Variants in ANKRD17 observed in about 807,000 individuals in gnomAD.
The protein encoded by ANKRD17 is ankyrin repeat domain-containing protein 17.
Under a neutral mutation model 229.7 loss-of-function variants are expected in ANKRD17, and 19 were observed. The observed-to-expected ratio is 0.08, with a 90% confidence interval of 0.06 to 0.12. ANKRD17 has a LOEUF of 0.12. Ranked by LOEUF, ANKRD17 falls within the 10% of genes least tolerant of loss-of-function variation. ANKRD17 has a pLI of 1.00. For missense variants in ANKRD17, 2,176 were observed against 3,176.8 expected (o/e 0.68, Z 7.57); for synonymous variants, 1,112 against 1,146.1 (o/e 0.97, Z 0.60).
At chr4:73,233,432 T>A (rs1560769242) in intron 1 of ANKRD17, among the ~76,000 whole-genome samples, 2 of 152,230 alleles carry the variant, frequency 1.3e-5, no homozygotes, top group Non-Finnish European at 2.9e-5. Context: ...AAAGTGTACT[T>A]ACAATGTGAT....
intron 2 of ANKRD17, among the ~76,000 whole-genome samples, chr4:73,165,215 G>A (rs905904182): frequency 6.6e-6 from 1 of 152,170 alleles, no homozygotes; most frequent in African/African-American, 2.4e-5. Context: ...TCAGGTATGA[G>A]ATGTACCAGA....
intron 1 of ANKRD17, among the ~76,000 whole-genome samples, chr4:73,211,586 C>T (rs1198715481): frequency 6.6e-6 from 1 of 152,074 alleles, no homozygotes; most frequent in Non-Finnish European, 1.5e-5. Context: ...GTGGCTCATG[C>T]CTGTAATCTC....
intron 1 of ANKRD17, among the ~76,000 whole-genome samples, chr4:73,217,336 T>C (rs1741207412): frequency 1.3e-5 from 2 of 152,294 alleles, no homozygotes; most frequent in Non-Finnish European, 2.9e-5. Context: ...CATAAGTGTA[T>C]CTTATACTAC....
rs187420366 is a variant in ANKRD17 at position 73,100,883 on chromosome 4, G to A, written c.4573+1493C>T. On this transcript the variant is annotated intron_variant, in intron 25 of 33. Transcript: ENST00000358602. ...ACATTGCATGCACATATTTTTGGTGGTTTCATGGCAATGGTTCCTTCCCAC... is the reference window on the plus strand; with the variant it reads ...ACATTGCATGCACATATTTTTGGTGATTTCATGGCAATGGTTCCTTCCCAC... The A allele has an allele frequency of 1.4e-5, 14 of 985,208 alleles. No homozygotes were observed. The East Asian group carries it at 1.5e-3, about 104-fold the overall frequency. 61.0% of individuals were successfully genotyped at this position (985,208 alleles called of 1,614,324 possible). A position where few individuals can be genotyped will look rare whatever the true frequency, so the allele number is the denominator to read the frequency against.
intron 31 of ANKRD17, among the ~76,000 whole-genome samples, chr4:73,077,793 T>G (rs879913454): frequency 6.6e-6 from 1 of 152,214 alleles, no homozygotes; most frequent in Non-Finnish European, 1.5e-5. Context: ...AATATTATTA[T>G]GTCCTTAATA....
chr4:73,224,068 C>T (rs1742197065), intron 1 of ANKRD17, among the ~76,000 whole-genome samples: 1 of 152,028 alleles, frequency 6.6e-6, no homozygotes, highest in Non-Finnish European at 1.5e-5. Flanking sequence ...CCAGCCTGGC[C>T]AACATGGTGA....
chr4:73,239,941 A>C (rs1403305249), intron 1 of ANKRD17, among the ~76,000 whole-genome samples: 1 of 152,232 alleles, frequency 6.6e-6, no homozygotes, highest in Non-Finnish European at 1.5e-5. Context: ...AAATTTATCT[A>C]CATTGTATCT....
rs765462995 is a variant in ANKRD17 at position 73,098,414 on chromosome 4, AT to A, written c.4679del (p.Asn1560IlefsTer3). On this transcript the variant is annotated frameshift_variant, in exon 26 of 34. Transcript: ENST00000358602. LOFTEE classifies it high-confidence loss of function. Reference protein sequence around the residue: ...TLAGSHGKRNNTITTTSSKRK... With the variant: ...TLAGSHGKRNXTITTTSSKRK... ...TCTTTGAACTGGTTGTAGTTATGGT[AT>A]TATTTCTTTTACCATGAGAACCTGC... 1 of 1,614,088 alleles carries A rather than the reference AT, an allele frequency of 6.2e-7. No individual in the cohort carries two copies. The highest frequency in any genetic ancestry group is 1.3e-5 in the African/African-American group (1 of 75,026).
intron 29 of ANKRD17, among the ~76,000 whole-genome samples, chr4:73,086,665 G>T (rs1415091379): frequency 6.7e-6 from 1 of 150,278 alleles, no homozygotes; most frequent in Non-Finnish European, 1.5e-5. Flanking sequence ...CATAGCTCAC[G>T]GTAGCCACAA....
intron 1 of ANKRD17, 131 bp from the exon 2 acceptor site, chr4:73,177,664 C>A (rs1020465673): frequency 6.2e-6 from 4 of 648,946 alleles, no homozygotes; most frequent in African/African-American, 1.8e-5. Flanking sequence ...AAACACAGTG[C>A]AACCCTAAAA....
At chr4:73,233,606 A>C in intron 1 of ANKRD17, among the ~76,000 whole-genome samples, 1 of 151,558 alleles carries the variant, frequency 6.6e-6, no homozygotes, top group African/African-American at 2.4e-5. Context: ...ATTTCTTCCC[A>C]CTCACCCTCC....
At chr4:73,155,896 T>C (rs1578213462) in intron 4 of ANKRD17, 118 bp from the exon 5 acceptor site, 4 of 1,477,890 alleles carry the variant, frequency 2.7e-6, no homozygotes, top group Non-Finnish European at 3.6e-6. Flanking sequence ...ACACAAAATT[T>C]ATCTAACAAA....
intron 2 of ANKRD17, among the ~76,000 whole-genome samples, chr4:73,173,697 T>C (rs1402371202): frequency 1.3e-5 from 2 of 151,910 alleles, no homozygotes; most frequent in Non-Finnish European, 2.9e-5. Flanking sequence ...AATCTGAAAA[T>C]CCAGATCACA....
At chr4:73,153,775 A>T in intron 6 of ANKRD17, 105 bp downstream of exon 6, 1 of 790,952 alleles carries the variant, frequency 1.3e-6, no homozygotes, top group Non-Finnish European at 1.9e-6. Context: ...ATTACATACT[A>T]TATACTATCA....
intron 2 of ANKRD17, among the ~76,000 whole-genome samples, chr4:73,172,531 GGT>G (rs1332915678): frequency 1.3e-5 from 2 of 152,098 alleles, no homozygotes; most frequent in Non-Finnish European, 2.9e-5. Context: ...CTGTACCTGT[GGT>G]GTGTTAACGC....
chr4:73,177,028 G>A (rs1442765676), intron 2 of ANKRD17, among the ~76,000 whole-genome samples: 1 of 152,154 alleles, frequency 6.6e-6, no homozygotes, highest in Non-Finnish European at 1.5e-5. Context: ...TGATTCAAAT[G>A]TTCCACCACT....
chr4:73,184,426 G>A (rs1338854893), intron 1 of ANKRD17, among the ~76,000 whole-genome samples: 1 of 150,512 alleles, frequency 6.6e-6, no homozygotes, highest in Non-Finnish European at 1.5e-5. Context: ...CTACTCAGGA[G>A]GCTGAGACAG....
chr4:73,187,928 T>C (rs1736515307), intron 1 of ANKRD17, among the ~76,000 whole-genome samples: 1 of 152,168 alleles, frequency 6.6e-6, no homozygotes, highest in African/African-American at 2.4e-5. Flanking sequence ...AGACCATTTT[T>C]CCAGGGGCAG....
intron 24 of ANKRD17, among the ~76,000 whole-genome samples, chr4:73,109,190 C>G (rs951557805): frequency 6.6e-6 from 1 of 151,942 alleles, no homozygotes; most frequent in African/African-American, 2.4e-5. Context: ...ATCCCAGCTA[C>G]TTGGGAGGGT....
Sources: allele counts gnomAD v4.1 joint callset (sites outside exome capture counted in the v4.1 genomes callset), GRCh38; gene constraint gnomAD v4.1.1; transcripts MANE v1.5; gene names NCBI Gene and HGNC (gene_info 2026-07-23, HGNC 2026-07-21).